The following TPTE variants were observed in gnomAD, a reference collection of about 807,000 sequenced individuals.
TPTE encodes the protein transmembrane phosphatase with tensin homology.
A neutral mutation model predicts 84.1 loss-of-function variants in TPTE; 59 were observed. That is an observed-to-expected ratio of 0.70 (90% CI 0.57 to 0.87). The LOEUF (loss-of-function observed/expected upper bound fraction) is 0.87, where lower values mean the gene tolerates loss of function less well. Ranked by LOEUF, TPTE falls within the 40% of genes least tolerant of loss-of-function variation. The pLI, the probability that TPTE is intolerant of heterozygous loss-of-function variation, is 0.00. For synonymous variants in TPTE, 130 were observed against 223.5 expected, an observed-to-expected ratio of 0.58 and a Z score of 3.73; for missense variants, 382 against 659.6, an observed-to-expected ratio of 0.58 and a Z score of 4.61.
intron 9 of TPTE, among the ~76,000 whole-genome samples, 181 bp from the exon 10 acceptor site, chr21:10,560,849 G>A (rs1372539732): frequency 6.6e-6 from 1 of 152,308 alleles, no homozygotes; most frequent in Non-Finnish European, 1.5e-5. Flanking sequence ...CTTCTATTGG[G>A]TGAAAACAGT....
chr21:10,532,625 T>C (rs2074198477), intron 3 of TPTE, among the ~76,000 whole-genome samples: 1 of 152,310 alleles, frequency 6.6e-6, no homozygotes, highest in South Asian at 2.1e-4. Context: ...TTATTAATGC[T>C]TATATATTGG....
chr21:10,605,206 G>A (rs1337393950), intron 23 of TPTE, among the ~76,000 whole-genome samples: 1 of 152,310 alleles, frequency 6.6e-6, no homozygotes, highest in Non-Finnish European at 1.5e-5. Context: ...AAGAGAGTCA[G>A]CATGTGTTAC....
chr21:10,548,789 C>T (rs562066700), intron 7 of TPTE, among the ~76,000 whole-genome samples: 92 of 152,390 alleles, frequency 6.0e-4, no homozygotes, highest in African/African-American at 2.1e-3. Flanking sequence ...TTATGGGAAA[C>T]AGCCCTTCAG....
At chr21:10,528,436 G>A (rs1378254996) in intron 3 of TPTE, among the ~76,000 whole-genome samples, 1 of 152,306 alleles carries the variant, frequency 6.6e-6, no homozygotes, top group African/African-American at 2.4e-5. Flanking sequence ...AAAAAGTTGG[G>A]TTTTAAGTAA....
intron 7 of TPTE, among the ~76,000 whole-genome samples, chr21:10,549,961 A>G (rs1057226410): frequency 6.6e-6 from 1 of 152,312 alleles, no homozygotes; most frequent in Non-Finnish European, 1.5e-5. Context: ...TTAGACTAAC[A>G]GCTGATTTCC....
At chr21:10,526,530 G>C (rs1003541976) in intron 2 of TPTE, among the ~76,000 whole-genome samples, 3 of 152,306 alleles carry the variant, frequency 2.0e-5, no homozygotes, top group African/African-American at 7.2e-5. Flanking sequence ...GAGAATCCCA[G>C]TTGTTATCAG....
intron 20 of TPTE, among the ~76,000 whole-genome samples, chr21:10,596,569 C>G (rs1426776838): frequency 6.6e-6 from 1 of 152,216 alleles, no homozygotes; most frequent in Non-Finnish European, 1.5e-5. Flanking sequence ...CCCCTCTCTC[C>G]TCCATCTGTA....
intron 7 of TPTE, among the ~76,000 whole-genome samples, chr21:10,549,812 C>G (rs1201390961): frequency 6.6e-6 from 1 of 152,310 alleles, no homozygotes; most frequent in Non-Finnish European, 1.5e-5. Context: ...TGAGGGAGAG[C>G]TAGACATCTA....
chr21:10,523,954 C>A (rs1295005701), intron 1 of TPTE, among the ~76,000 whole-genome samples: 1 of 152,308 alleles, frequency 6.6e-6, no homozygotes, highest in Non-Finnish European at 1.5e-5. Flanking sequence ...TCCTCTCCAG[C>A]ACCTGTTGTT....
intron 3 of TPTE, among the ~76,000 whole-genome samples, chr21:10,536,057 C>G (rs1383091053): frequency 6.6e-6 from 1 of 152,310 alleles, no homozygotes; most frequent in Admixed American, 6.5e-5. Context: ...ACAGCTAGAT[C>G]ACTTGAGGCC....
intron 19 of TPTE, among the ~76,000 whole-genome samples, chr21:10,593,162 C>G (rs1446244819): frequency 1.3e-5 from 2 of 152,306 alleles, no homozygotes; most frequent in Non-Finnish European, 2.9e-5. Context: ...CAACCCCACT[C>G]TCCACTCTTG....
At chr21:10,585,740 G>C (rs1312318211) in intron 17 of TPTE, among the ~76,000 whole-genome samples, 1 of 152,310 alleles carries the variant, frequency 6.6e-6, no homozygotes, top group African/African-American at 2.4e-5. Flanking sequence ...TCTCTGGAGA[G>C]AAGTCTTTAA....
At chr21:10,550,393 A>G (rs561419528) in intron 7 of TPTE, among the ~76,000 whole-genome samples, 1 of 152,424 alleles carries the variant, frequency 6.6e-6, no homozygotes, top group South Asian at 2.1e-4. Flanking sequence ...GGAAAAATAT[A>G]TTCTATGCAA....
Position 10,541,134 on chromosome 21 carries a change from G to C in TPTE, c.34G>C (p.Gly12Arg), listed in dbSNP as rs764249659. 10 of 1,613,228 alleles carry C rather than the reference G, an allele frequency of 6.2e-6. No homozygotes were observed. Among genetic ancestry groups the C allele is most frequent in the Non-Finnish European group, 6.8e-6 (8 of 1,179,364 alleles). The change falls in exon 5 of 24, where the codon GGA becomes CGA. Residue 12 changes from glycine to arginine, a missense_variant. By Grantham distance (125) the Gly-to-Arg change is moderately radical. This residue lies in a region of TPTE where 63 missense variants were observed against 49.5 expected (regional missense o/e 1.27). Coordinates refer to ENST00000618007, the MANE Select transcript of TPTE (RefSeq NM_199261.4). ...TAGTCCTGATCCGACTGACCTGGCG[G>C]GAGTCATCATTGAGCTCGGCCCCAA... ...NESPDPTDLA[G>R]VIIELGPNDS...
intron 9 of TPTE, among the ~76,000 whole-genome samples, chr21:10,560,158 A>G (rs531080135): frequency 1.3e-5 from 2 of 152,412 alleles, no homozygotes; most frequent in South Asian, 4.1e-4. Flanking sequence ...CATCTGCAAA[A>G]GTAACATTAA....
At position 10,539,419 on chromosome 21, in the gene TPTE, A is replaced by T. The variant is rs2074326622; in HGVS notation, c.11+685A>T. ...CCCATGGACAGGAAAGACTAGCATG[A>T]TGGGTGAAAGGAAAGACTTGACGGA... is the stretch of plus-strand genomic sequence containing the variant. On this transcript the variant is annotated intron_variant, in intron 4 of 23. Transcript: ENST00000618007. Among the ~76,000 whole-genome samples the T allele has an allele frequency of 2.6e-5, 4 of 152,302 alleles. No individual in the cohort carries two copies. The South Asian group carries it at 8.3e-4, about 32-fold the overall frequency.
chr21:10,525,181 A>C (rs2074056672), intron 2 of TPTE, among the ~76,000 whole-genome samples: 1 of 152,310 alleles, frequency 6.6e-6, no homozygotes, highest in Admixed American at 6.5e-5. Context: ...ATTACAGTGA[A>C]GGTCACAAAT....
intron 1 of TPTE, among the ~76,000 whole-genome samples, chr21:10,522,910 T>G (rs1314728060): frequency 2.6e-5 from 4 of 152,312 alleles, no homozygotes; most frequent in Non-Finnish European, 5.9e-5. Flanking sequence ...AGAATATGAG[T>G]GTATTTTAAA....
rs747896447 is a variant in TPTE at position 10,543,281 on chromosome 21, C to T, written c.120-48C>T. 4 of 1,421,180 alleles carry T rather than the reference C, an allele frequency of 2.8e-6. 1 individual carries two copies. The allele number at this position is 1,421,180 out of a possible 1,614,324, so 88.0% of individuals were successfully genotyped here. On this transcript the variant is annotated intron_variant, in intron 6 of 23. Coordinates refer to ENST00000618007, the MANE Select transcript of TPTE (RefSeq NM_199261.4). ...TCTCCTGACCTCATGATCCACCCGC[C>T]TCGGCCTCCCAAAGTGCTGCTGACT...
Sources: allele counts gnomAD v4.1 joint callset (sites outside exome capture counted in the v4.1 genomes callset), GRCh38; gene constraint gnomAD v4.1.1; regional missense constraint gnomAD v4.1.1; transcripts MANE v1.5; gene names NCBI Gene and HGNC (gene_info 2026-07-23, HGNC 2026-07-21).